The following UTRN variants were observed in gnomAD, a reference collection of about 807,000 sequenced individuals.
UTRN encodes dystrophin-related protein 1.
In UTRN, 283 loss-of-function variants were observed where a neutral mutation model predicts 463.9. That is an observed-to-expected ratio of 0.61 (90% CI 0.55 to 0.67). The LOEUF (loss-of-function observed/expected upper bound fraction) is 0.67, where lower values mean the gene tolerates loss of function less well. Among genes scored for constraint, UTRN ranks in the 30% least tolerant of loss-of-function variants. UTRN has a pLI of 0.00. For missense variants in UTRN, 3,922 were observed against 4,084.3 expected (o/e 0.96, Z 1.08); for synonymous variants, 1,442 against 1,431.5 (o/e 1.01, Z -0.17).
intron 3 of UTRN, among the ~76,000 whole-genome samples, chr6:144,414,352 A>G (rs1470929339): frequency 6.6e-6 from 1 of 152,194 alleles, no homozygotes; most frequent in East Asian, 1.9e-4. Context: ...GTTTTTGACA[A>G]AAAAGTTTGA....
At chr6:144,771,073 G>A (rs187349136) in intron 58 of UTRN, among the ~76,000 whole-genome samples, 4 of 152,284 alleles carry the variant, frequency 2.6e-5, no homozygotes, top group Admixed American at 2.6e-4. Context: ...GATTCGTTCT[G>A]AATGATAATC....
At chr6:144,596,542 G>T (rs1803662261) in intron 51 of UTRN, among the ~76,000 whole-genome samples, 1 of 152,098 alleles carries the variant, frequency 6.6e-6, no homozygotes, top group South Asian at 2.1e-4. Flanking sequence ...GGTTTCATGG[G>T]ACTGTACTAC....
intron 51 of UTRN, among the ~76,000 whole-genome samples, chr6:144,609,642 A>G (rs1805258723): frequency 6.6e-6 from 1 of 152,224 alleles, no homozygotes; most frequent in African/African-American, 2.4e-5. Context: ...TTCTTAAGTG[A>G]ACATAAAATA....
intron 2 of UTRN, among the ~76,000 whole-genome samples, chr6:144,309,077 G>C (rs962030564): frequency 6.6e-6 from 1 of 152,142 alleles, no homozygotes; most frequent in Non-Finnish European, 1.5e-5. Flanking sequence ...CCTCTCAATA[G>C]CATCAACACT....
At chr6:144,476,179 G>T (rs1791175448) in intron 25 of UTRN, among the ~76,000 whole-genome samples, 1 of 150,136 alleles carries the variant, frequency 6.7e-6, no homozygotes, top group South Asian at 2.1e-4. Flanking sequence ...GTCAGATGCT[G>T]CTGACCTCAA....
intron 73 of UTRN, among the ~76,000 whole-genome samples, chr6:144,842,489 T>A (rs915970880): frequency 2.1e-4 from 32 of 152,220 alleles, no homozygotes; most frequent in African/African-American, 7.7e-4. Flanking sequence ...CTTGGGAGGC[T>A]GAGGCATGAG....
At chr6:144,439,923 G>T (rs1463221841) in intron 12 of UTRN, among the ~76,000 whole-genome samples, 1 of 152,126 alleles carries the variant, frequency 6.6e-6, no homozygotes, top group African/African-American at 2.4e-5. Flanking sequence ...AGTAACTTTT[G>T]ACTATCGTGT....
At chr6:144,470,740 G>C (rs944880098) in intron 23 of UTRN, among the ~76,000 whole-genome samples, 7 of 152,006 alleles carry the variant, frequency 4.6e-5, no homozygotes, top group Non-Finnish European at 7.4e-5. Context: ...GGGCAACATT[G>C]AGCACTGAGT....
Position 144,516,241 on chromosome 6 carries a change from C to T in UTRN, c.5257C>T (p.Gln1753Ter), listed in dbSNP as rs775132659. The T allele has an allele frequency of 1.2e-6, 2 of 1,612,384 alleles. No homozygotes were observed. Among genetic ancestry groups the T allele is most frequent in the East Asian group, 2.2e-5 (1 of 44,818 alleles). Residue 1753 changes from glutamine (Q) to a stop codon, truncating the protein, a stop_gained, in exon 38 of 75, where the codon CAG becomes TAG. Coordinates refer to ENST00000367545, the MANE Select transcript of UTRN (RefSeq NM_007124.3). LOFTEE classifies it high-confidence loss of function. ...TTTCCTTCTACAGTTGCTAATTGCT[C>T]AGGAACCATTATACCAATGTTTGGT... ...HIKSAKLLIAQEPLYQCLVTT... is the reference protein window; with the variant it reads ...HIKSAKLLIA
At chr6:144,401,821 G>A (rs1368926878) in intron 2 of UTRN, among the ~76,000 whole-genome samples, 1 of 152,164 alleles carries the variant, frequency 6.6e-6, no homozygotes, top group African/African-American at 2.4e-5. Context: ...AGGTTCGTGA[G>A]CAGGTCTGTA....
Position 144,414,242 on chromosome 6 carries a change from T to C in UTRN, c.142-7636T>C, listed in dbSNP as rs528008608. On this transcript the variant is annotated intron_variant, in intron 3 of 74. Transcript: ENST00000367545. Reference sequence around the variant, plus strand: ...ACAGCTCCATGTATGTTATTGCCCCTGAAGACCTTCCAGTGGGACAAGATC... The same window carrying C: ...ACAGCTCCATGTATGTTATTGCCCCCGAAGACCTTCCAGTGGGACAAGATC... Among the ~76,000 whole-genome samples, 4 of 152,300 alleles carry C rather than the reference T, an allele frequency of 2.6e-5. No individual in the cohort carries two copies. In the South Asian group the frequency reaches 8.3e-4, roughly 32 times the overall value.
chr6:144,564,254 A>G (rs1800194198), intron 50 of UTRN, among the ~76,000 whole-genome samples: 1 of 152,156 alleles, frequency 6.6e-6, no homozygotes, highest in Non-Finnish European at 1.5e-5. Context: ...TAAGAGAGGG[A>G]CTTAACTGAG....
chr6:144,841,019 C>CG (rs1415507292), intron 73 of UTRN, among the ~76,000 whole-genome samples, 187 bp downstream of exon 73: 1 of 152,148 alleles, frequency 6.6e-6, no homozygotes, highest in African/African-American at 2.4e-5. Context: ...TATCAAGTAA[C>CG]GGGGGTACAG....
chr6:144,369,022 T>G (rs1034835711), intron 2 of UTRN, among the ~76,000 whole-genome samples: 1 of 152,216 alleles, frequency 6.6e-6, no homozygotes, highest in Non-Finnish European at 1.5e-5. Context: ...TTCATAAACT[T>G]TTTTTGGATT....
At chr6:144,549,219 T>G (rs1321587792) in intron 47 of UTRN, among the ~76,000 whole-genome samples, 1 of 152,234 alleles carries the variant, frequency 6.6e-6, no homozygotes, top group Non-Finnish European at 1.5e-5. Flanking sequence ...ATAATGAGAT[T>G]AATTTCTGAT....
chr6:144,387,511 G>T (rs1021054221), intron 2 of UTRN, among the ~76,000 whole-genome samples: 1 of 152,168 alleles, frequency 6.6e-6, no homozygotes, highest in Non-Finnish European at 1.5e-5. Context: ...TATTTTAAAT[G>T]ATTCAGCTCC....
chr6:144,838,296 A>G (rs559931828), intron 71 of UTRN, among the ~76,000 whole-genome samples: 1 of 152,306 alleles, frequency 6.6e-6, no homozygotes, highest in African/African-American at 2.4e-5. Context: ...CTAATATCCA[A>G]ATGGCTTCTA....
chr6:144,451,636 G>A (rs1788314070), intron 18 of UTRN, 143 bp downstream of exon 18: 1 of 1,007,330 alleles, frequency 9.9e-7, no homozygotes, highest in Non-Finnish European at 1.4e-6. Context: ...ACATTGTAGT[G>A]AATTTTGAAT....
intron 52 of UTRN, among the ~76,000 whole-genome samples, chr6:144,690,183 A>G (rs1346951034): frequency 1.5e-5 from 2 of 135,196 alleles, no homozygotes; most frequent in Non-Finnish European, 3.0e-5. Flanking sequence ...TGGGTCAGGC[A>G]AGTCCATGCT....
Sources: allele counts gnomAD v4.1 joint callset (sites outside exome capture counted in the v4.1 genomes callset), GRCh38; gene constraint gnomAD v4.1.1; transcripts MANE v1.5; gene names NCBI Gene and HGNC (gene_info 2026-07-23, HGNC 2026-07-21).